RAB37: variants seen among roughly 807,000 people sequenced by gnomAD.
RAB37 encodes RAB37, member RAS oncogene family.
Under a neutral mutation model 33.1 loss-of-function variants are expected in RAB37, and 29 were observed. That is an observed-to-expected ratio of 0.88 (90% confidence interval 0.65 to 1.20). The LOEUF (loss-of-function observed/expected upper bound fraction) is 1.20, where lower values mean the gene tolerates loss of function less well. RAB37 is among the 50% of genes most tolerant of loss of function. RAB37 has a pLI of 0.00. For missense variants in RAB37, 299 were observed against 301.1 expected (o/e 0.99, Z 0.05); for synonymous variants, 128 against 119.5 (o/e 1.07, Z -0.47).
intron 1 of RAB37, among the ~76,000 whole-genome samples, chr17:74,696,899 ATTTTGTTTGGTTTGG>A (rs1023038450): frequency 2.9e-5 from 4 of 136,020 alleles, no homozygotes; most frequent in African/African-American, 1.1e-4. Flanking sequence ...GTAGGGACCG[ATTTTGTTTGGTTTGG>A]TTTGGTTTGG....
At chr17:74,694,840 C>T (rs1258796597) in intron 1 of RAB37, 2 of 373,436 alleles carry the variant, frequency 5.4e-6, no homozygotes, top group African/African-American at 4.1e-5. Context: ...TCATCATTCC[C>T]ATGAAAGCCC....
At chr17:74,719,261 A>C (rs1472338011) in intron 1 of RAB37, among the ~76,000 whole-genome samples, 1 of 152,104 alleles carries the variant, frequency 6.6e-6, no homozygotes, top group Non-Finnish European at 1.5e-5. Context: ...CAGCCTGGGA[A>C]ACATGGTGAA....
Position 74,744,454 on chromosome 17 carries a change from ATC to A in RAB37, c.432+83_432+84del, listed in dbSNP as rs749537494. 3.8e-6 allele frequency: 5 copies of A among 1,324,278 alleles called. No homozygotes were observed. Among genetic ancestry groups the A allele is most frequent in the Admixed American group, 1.7e-5 (1 of 58,308 alleles). 82.0% of individuals were successfully genotyped at this position (1,324,278 alleles called of 1,614,324 possible). ...GCCCCATAACCACCCAAGAACAGTT[ATC>A]TAGGCATCCTTCCTGAAAAGGACTC... On this transcript the variant is annotated intron_variant, in intron 6 of 8. Coordinates refer to ENST00000392613, the MANE Select transcript of RAB37 (RefSeq NM_001006638.3). The surrounding 1 kb of genome is among the most constrained non-coding windows in gnomAD (Gnocchi z 4.2).
At chr17:74,735,723 A>G (rs1455713033), upstream of RAB37, among the ~76,000 whole-genome samples, 1 of 152,162 alleles carries the variant, frequency 6.6e-6, no homozygotes, top group East Asian at 1.9e-4. Flanking sequence ...AGAAGAGGTA[A>G]CCCAAGCTCT....
chr17:74,704,220 T>C (rs2033316516), intron 1 of RAB37: 3 of 411,874 alleles, frequency 7.3e-6, no homozygotes, highest in Non-Finnish European at 1.3e-5. Flanking sequence ...CATCACCTTG[T>C]CCTCAGGCAC....
At chr17:74,739,525 C>CTTTT (rs1166150273) in intron 1 of RAB37, among the ~76,000 whole-genome samples, 33 of 131,292 alleles carry the variant, frequency 2.5e-4, no homozygotes, top group East Asian at 4.3e-4. Flanking sequence ...TTCATGCAAC[C>CTTTT]TTTTTTTTTT....
At chr17:74,700,154 AATAAATAAAT>A (rs893244765) in intron 1 of RAB37, among the ~76,000 whole-genome samples, 3 of 149,988 alleles carry the variant, frequency 2.0e-5, no homozygotes, top group African/African-American at 7.3e-5. Context: ...TAAATAAATA[AATAAATAAAT>A]AAATAAACAA....
In RAB37 at chr17:74,674,740, T is replaced by C. The variant is rs115798457; in HGVS notation, c.72+3082T>C. On this transcript the variant is annotated intron_variant, in intron 1 of 7. Transcript: ENST00000340415. The stretch of plus-strand genomic sequence containing the variant: ...CCTGAATCTTATGTGTCTACCTTGG[T>C]GAATTATCACAAAGTGAACATACCT... Among the ~76,000 whole-genome samples, 642 of 152,280 alleles carry C rather than the reference T, an allele frequency of 4.2e-3. 6 individuals are homozygous for C. The highest frequency in any genetic ancestry group is 0.014 in the African/African-American group (592 of 41,560).
intron 1 of RAB37, among the ~76,000 whole-genome samples, chr17:74,720,306 C>T (rs1272995615): frequency 3.3e-5 from 5 of 152,140 alleles, no homozygotes; most frequent in African/African-American, 1.2e-4. Context: ...TCTTTTAGGC[C>T]AGGCATGGTG....
chr17:74,737,180 G>C, upstream of RAB37: 1 of 1,538,780 alleles, frequency 6.5e-7, no homozygotes, highest in African/African-American at 1.4e-5. Flanking sequence ...GGTCCCGGTC[G>C]AGGGAGGGGA....
Position 74,740,655 on chromosome 17 carries a change from G to A in RAB37, c.94-113G>A, listed in dbSNP as rs571905205. 7.8e-4 allele frequency: 607 copies of A among 775,414 alleles called. 12 individuals carry two copies. The highest frequency in any genetic ancestry group is 5.6e-3 in the South Asian group (377 of 67,186). 48.0% of individuals were successfully genotyped at this position (775,414 alleles called of 1,614,324 possible). Reference sequence around the variant, plus strand: ...TCTGGAAGCAGGTGGCCTTTGGTGCGGTCAGCATTCGTGCCAGCCCCCTCT... The same window carrying A: ...TCTGGAAGCAGGTGGCCTTTGGTGCAGTCAGCATTCGTGCCAGCCCCCTCT... On this transcript the variant is annotated intron_variant, in intron 1 of 8. Coordinates refer to ENST00000392613, the MANE Select transcript of RAB37 (RefSeq NM_001006638.3).
At position 74,676,357 on chromosome 17, in the gene RAB37, G is replaced by A. The variant is rs545685622; in HGVS notation, c.72+4699G>A. On this transcript the variant is annotated intron_variant, in intron 1 of 7. Coordinates refer to the RAB37 transcript ENST00000340415. This position sits in a 1 kb window ranked among gnomAD's most constrained non-coding sequence, Gnocchi z 4.1. The stretch of plus-strand genomic sequence containing the variant: ...GACTGGGGGTGGGGGGCAGAAAAAC[G>A]TGAGCTGCTCATCCATTCATCCAGG... 1.1e-4 allele frequency among the ~76,000 whole-genome samples: 17 copies of A among 152,202 alleles called. No homozygotes were observed. Among genetic ancestry groups the A allele is most frequent in the Non-Finnish European group, 2.2e-4 (15 of 67,994 alleles).
At chr17:74,726,641 G>A (rs1368545705) in intron 1 of RAB37, among the ~76,000 whole-genome samples, 1 of 152,180 alleles carries the variant, frequency 6.6e-6, no homozygotes, top group East Asian at 1.9e-4. Flanking sequence ...AGCTGGAGAG[G>A]TTCAGGAGGT....
At chr17:74,702,031 A>T (rs913071750) in intron 1 of RAB37, among the ~76,000 whole-genome samples, 2 of 152,008 alleles carry the variant, frequency 1.3e-5, no homozygotes, top group African/African-American at 2.4e-5. Context: ...AATAAAAAAA[A>T]AGAAAACTTT....
intron 1 of RAB37, among the ~76,000 whole-genome samples, chr17:74,675,672 A>C (rs367786486): frequency 1.1e-4 from 17 of 152,194 alleles, no homozygotes; most frequent in East Asian, 7.7e-4. Flanking sequence ...CCCAGTTCTG[A>C]CTTCCTAAGT....
intron 1 of RAB37, among the ~76,000 whole-genome samples, chr17:74,720,974 C>T (rs1024072315): frequency 3.9e-5 from 6 of 152,126 alleles, no homozygotes; most frequent in Non-Finnish European, 5.9e-5. Context: ...TCTCTGAAGC[C>T]GTGCCATCTG....
intron 1 of RAB37, among the ~76,000 whole-genome samples, chr17:74,690,730 C>T (rs560215634): frequency 6.6e-6 from 1 of 152,302 alleles, no homozygotes; most frequent in East Asian, 1.9e-4. Flanking sequence ...ACAGAGAGAA[C>T]CCAGACACTT....
At chr17:74,735,537 G>T (rs959186800), upstream of RAB37, among the ~76,000 whole-genome samples, 1 of 152,086 alleles carries the variant, frequency 6.6e-6, no homozygotes, top group Non-Finnish European at 1.5e-5. Context: ...CTCCGTCTCC[G>T]GGAGCCCACG....
In RAB37 at chr17:74,745,649, A is replaced by G; in HGVS notation, c.*238A>G. 1 of 417,746 alleles carries G rather than the reference A, an allele frequency of 2.4e-6. No individual in the cohort carries two copies. The highest frequency in any genetic ancestry group is 4.0e-5 in the South Asian group (1 of 25,246). 25.9% of individuals were successfully genotyped at this position (417,746 alleles called of 1,614,324 possible). On this transcript the variant is annotated 3_prime_UTR_variant, in exon 9 of 9. Coordinates refer to ENST00000392613, the MANE Select transcript of RAB37 (RefSeq NM_001006638.3). The surrounding 1 kb of genome is among the most constrained non-coding windows in gnomAD (Gnocchi z 4.5). ...TTTAATAGTACATAATTTAATACCA[A>G]AAAAGGCGCCTGGATCCCCAAAAAA...
Sources: allele counts gnomAD v4.1 joint callset (sites outside exome capture counted in the v4.1 genomes callset), GRCh38; gene constraint gnomAD v4.1.1; non-coding constraint Gnocchi (gnomAD v3.1); transcripts MANE v1.5; gene names NCBI Gene and HGNC (gene_info 2026-07-23, HGNC 2026-07-21).